Variants in MCC observed in about 807,000 individuals in gnomAD.
MCC encodes MCC regulator of Wnt signaling pathway, also known as colorectal mutant cancer protein.
MCC carries 90 observed loss-of-function variants against 116.2 expected under a neutral mutation model. The observed-to-expected ratio is 0.77, with a 90% confidence interval of 0.65 to 0.92. The LOEUF is 0.92. Ranked by LOEUF, MCC falls within the 40% of genes least tolerant of loss-of-function variation. The pLI, the probability that MCC is intolerant of heterozygous loss-of-function variation, is 0.00. For missense variants in MCC, 1,516 were observed against 1,312.2 expected (o/e 1.16, Z -2.40); for synonymous variants, 578 against 510.5 (o/e 1.13, Z -1.78).
At chr5:113,058,175 T>G (rs1030508763) in intron 14 of MCC, among the ~76,000 whole-genome samples, 1 of 152,250 alleles carries the variant, frequency 6.6e-6, no homozygotes, top group Non-Finnish European at 1.5e-5. Flanking sequence ...TATAAATTTA[T>G]ACTTGAAACA....
intron 3 of MCC, among the ~76,000 whole-genome samples, chr5:113,300,642 G>T (rs1366457656): frequency 2.0e-5 from 3 of 151,978 alleles, no homozygotes; most frequent in African/African-American, 7.3e-5. Flanking sequence ...AAAAATTAGG[G>T]AGCCCTCAAA....
intron 1 of MCC, among the ~76,000 whole-genome samples, chr5:113,445,164 T>A (rs1375532863): frequency 6.6e-6 from 1 of 152,192 alleles, no homozygotes; most frequent in African/African-American, 2.4e-5. Flanking sequence ...TTTATCTAAG[T>A]TCTGAATTGG....
chr5:113,360,590 C>G (rs1768521702), intron 2 of MCC, among the ~76,000 whole-genome samples: 1 of 152,272 alleles, frequency 6.6e-6, no homozygotes, highest in East Asian at 1.9e-4. Context: ...TTTTAAATTA[C>G]TGCTTTAATT....
intron 2 of MCC, among the ~76,000 whole-genome samples, chr5:113,345,130 T>G (rs961855558): frequency 1.3e-5 from 2 of 152,044 alleles, no homozygotes; most frequent in Non-Finnish European, 2.9e-5. Context: ...CTGGCAGAAC[T>G]CACCATGGGT....
At chr5:113,259,380 T>C (rs188254839) in intron 3 of MCC, among the ~76,000 whole-genome samples, 11 of 152,300 alleles carry the variant, frequency 7.2e-5, no homozygotes, top group Admixed American at 1.3e-4. Flanking sequence ...CTCAAAGTCA[T>C]TCAGCCCTAA....
chr5:113,136,343 G>T (rs187877186), intron 5 of MCC, among the ~76,000 whole-genome samples: 8 of 152,204 alleles, frequency 5.3e-5, no homozygotes, highest in African/African-American at 1.9e-4. Flanking sequence ...TCTGAAATAA[G>T]AAAATATAAA....
At chr5:113,030,688 A>C (rs1030372924) in intron 17 of MCC, among the ~76,000 whole-genome samples, 3 of 152,182 alleles carry the variant, frequency 2.0e-5, no homozygotes, top group African/African-American at 4.8e-5. Flanking sequence ...AACAAACAAA[A>C]AAATCAGATG....
chr5:113,420,519 T>A (rs1315586906), intron 1 of MCC, among the ~76,000 whole-genome samples: 2 of 152,210 alleles, frequency 1.3e-5, no homozygotes, highest in Admixed American at 1.3e-4. Flanking sequence ...TATACAAACC[T>A]GACAGTAATT....
intron 3 of MCC, among the ~76,000 whole-genome samples, chr5:113,195,115 G>T (rs969904950): frequency 1.2e-4 from 19 of 152,146 alleles, no homozygotes; most frequent in African/African-American, 4.6e-4. Context: ...TTGTTGAAGG[G>T]AACAGTAAAG....
chr5:113,337,980 A>G (rs1767911825), intron 3 of MCC, among the ~76,000 whole-genome samples: 1 of 152,058 alleles, frequency 6.6e-6, no homozygotes, highest in Non-Finnish European at 1.5e-5. Flanking sequence ...ATCATGTATC[A>G]CTCTCACGTA....
chr5:113,423,498 T>C (rs1381826181), intron 1 of MCC, among the ~76,000 whole-genome samples: 1 of 152,236 alleles, frequency 6.6e-6, no homozygotes, highest in Admixed American at 6.5e-5. Flanking sequence ...TGCAACTTTC[T>C]AGAACATAAT....
chr5:113,182,814 T>C (rs1761699659), intron 3 of MCC, among the ~76,000 whole-genome samples: 1 of 152,148 alleles, frequency 6.6e-6, no homozygotes, highest in Non-Finnish European at 1.5e-5. Context: ...GCGCATCCAA[T>C]GAGGAACTGA....
At chr5:113,067,259 G>C (rs931999913) in intron 13 of MCC, among the ~76,000 whole-genome samples, 1 of 152,170 alleles carries the variant, frequency 6.6e-6, no homozygotes, top group African/African-American at 2.4e-5. Context: ...CGAGGTGGGC[G>C]AGCATTCTGT....
chr5:113,375,335 G>A (rs1768956542), intron 2 of MCC, among the ~76,000 whole-genome samples: 1 of 151,852 alleles, frequency 6.6e-6, no homozygotes, highest in African/African-American at 2.4e-5. Context: ...TTTTTCACTT[G>A]ATCATATATG....
chr5:113,112,514 A>C (rs1366624848), intron 6 of MCC, among the ~76,000 whole-genome samples: 1 of 152,134 alleles, frequency 6.6e-6, no homozygotes, highest in Non-Finnish European at 1.5e-5. Context: ...CTCCCCAGTC[A>C]TGCTTCCGGT....
rs745434387 is a variant in MCC, at chr5:113,101,932, A to G, written c.1205T>C (p.Ile402Thr). Residue 402 changes from isoleucine to threonine, a missense_variant, in exon 8 of 19, where the codon ATT becomes ACT. Coordinates refer to ENST00000408903, the MANE Select transcript of MCC (RefSeq NM_001085377.2). ...CAGGTCCCGGCCAAGCACCCCCTCA[A>G]TCTCCTCGACTGTCTGTAAAACACA... is the stretch of plus-strand genomic sequence containing the variant. ...CDLAIKTVEE[I>T]EGVLGRDLYP... 3.7e-6 allele frequency: 6 copies of G among 1,613,900 alleles called. No homozygotes were observed. Among genetic ancestry groups the G allele is most frequent in the Non-Finnish European group, 5.1e-6 (6 of 1,179,980 alleles).
At chr5:113,051,372 A>C (rs1052367183) in intron 15 of MCC, among the ~76,000 whole-genome samples, 6 of 152,228 alleles carry the variant, frequency 3.9e-5, no homozygotes, top group African/African-American at 1.2e-4. Flanking sequence ...CTAGAAAATA[A>C]AGATTTAAAA....
chr5:113,075,499 T>C (rs192293135), intron 11 of MCC, among the ~76,000 whole-genome samples: 175 of 152,332 alleles, frequency 1.1e-3, no homozygotes, highest in African/African-American at 4.0e-3. Flanking sequence ...AGCTGGGCTC[T>C]TGAGTCGGGT....
At chr5:113,110,425 G>T (rs1757019050) in intron 6 of MCC, among the ~76,000 whole-genome samples, 1 of 152,228 alleles carries the variant, frequency 6.6e-6, no homozygotes, top group Non-Finnish European at 1.5e-5. Flanking sequence ...TCACAAGGGA[G>T]ACAAGGTGTT....
Sources: allele counts gnomAD v4.1 joint callset (sites outside exome capture counted in the v4.1 genomes callset), GRCh38; gene constraint gnomAD v4.1.1; transcripts MANE v1.5; gene names NCBI Gene and HGNC (gene_info 2026-07-23, HGNC 2026-07-21).